The following UNC5D variants were observed in gnomAD, a reference collection of about 807,000 sequenced individuals.
The protein encoded by UNC5D is netrin receptor UNC5D.
UNC5D carries 39 observed loss-of-function variants against 105.4 expected under a neutral mutation model. That is an observed-to-expected ratio of 0.37 (90% CI 0.29 to 0.48). The LOEUF (loss-of-function observed/expected upper bound fraction) is 0.48, where lower values mean the gene tolerates loss of function less well. Among genes scored for constraint, UNC5D ranks in the 20% least tolerant of loss-of-function variants. UNC5D has a pLI of 0.98. For synonymous variants in UNC5D, 452 were observed against 450.4 expected (o/e 1.00, Z -0.04); for missense variants, 991 against 1,202.4 (o/e 0.82, Z 2.60).
intron 1 of UNC5D, among the ~76,000 whole-genome samples, chr8:35,507,043 G>GCTTTT (rs1563482696): frequency 7.0e-6 from 1 of 142,970 alleles, no homozygotes; most frequent in Non-Finnish European, 1.5e-5. Flanking sequence ...CTCCATCAGG[G>GCTTTT]CTTTTCTTTT....
intron 1 of UNC5D, among the ~76,000 whole-genome samples, chr8:35,523,302 C>T (rs1232568106): frequency 6.6e-6 from 1 of 151,960 alleles, no homozygotes; most frequent in Non-Finnish European, 1.5e-5. Context: ...AGGCTGGTCT[C>T]GAATTCCTGG....
intron 1 of UNC5D, among the ~76,000 whole-genome samples, chr8:35,472,998 G>C (rs1315686100): frequency 6.6e-6 from 1 of 152,216 alleles, no homozygotes; most frequent in Non-Finnish European, 1.5e-5. Context: ...TGGGCTGTCT[G>C]AGCAGTAAAC....
chr8:35,429,666 C>T (rs1013970191), intron 1 of UNC5D, among the ~76,000 whole-genome samples: 3 of 152,052 alleles, frequency 2.0e-5, no homozygotes, highest in Non-Finnish European at 4.4e-5. Flanking sequence ...GCAATTTGTG[C>T]ATGATAAACT....
chr8:35,697,837 T>C (rs16884240), intron 7 of UNC5D, among the ~76,000 whole-genome samples: 7,974 of 152,158 alleles, frequency 0.052, 418 homozygotes, highest in African/African-American at 0.11. Context: ...AGCTGAAAAA[T>C]AATTTGGAAG....
At chr8:35,610,304 A>C (rs138719531) in intron 4 of UNC5D, among the ~76,000 whole-genome samples, 7 of 152,210 alleles carry the variant, frequency 4.6e-5, no homozygotes, top group African/African-American at 1.4e-4. Context: ...GCCTTCTTGA[A>C]GGTTGGGAGC....
chr8:35,456,257 G>C (rs1340517574), intron 1 of UNC5D, among the ~76,000 whole-genome samples: 2 of 152,056 alleles, frequency 1.3e-5, no homozygotes, highest in Non-Finnish European at 2.9e-5. Context: ...TTGGCTAGTG[G>C]TTGTCAAATT....
chr8:35,310,489 G>A (rs1038652282), intron 1 of UNC5D, among the ~76,000 whole-genome samples: 3 of 152,026 alleles, frequency 2.0e-5, no homozygotes, highest in Non-Finnish European at 2.9e-5. Context: ...GTGTGGTAAC[G>A]CATCCCTGTA....
At chr8:35,704,581 C>G (rs1236834863) in intron 7 of UNC5D, among the ~76,000 whole-genome samples, 1 of 152,182 alleles carries the variant, frequency 6.6e-6, no homozygotes, top group African/African-American at 2.4e-5. Context: ...TTGTGTGAGT[C>G]TGTGAATGAT....
intron 1 of UNC5D, among the ~76,000 whole-genome samples, chr8:35,390,699 T>C (rs1803716116): frequency 6.6e-6 from 1 of 152,228 alleles, no homozygotes; most frequent in Admixed American, 6.5e-5. Flanking sequence ...AATTTACCAA[T>C]GCATATATTT....
At chr8:35,432,509 A>G (rs1483485077) in intron 1 of UNC5D, among the ~76,000 whole-genome samples, 2 of 152,088 alleles carry the variant, frequency 1.3e-5, no homozygotes, top group African/African-American at 4.8e-5. Flanking sequence ...AACTTTATCC[A>G]CTTCACTCTT....
At chr8:35,515,704 AT>A (rs1813055385) in intron 1 of UNC5D, among the ~76,000 whole-genome samples, 2 of 152,152 alleles carry the variant, frequency 1.3e-5, no homozygotes, top group Admixed American at 1.3e-4. Context: ...ACAAAAACAG[AT>A]TTTAAAAGTC....
At chr8:35,729,426 ATTGAT>A (rs1829070717) in intron 10 of UNC5D, among the ~76,000 whole-genome samples, 1 of 152,142 alleles carries the variant, frequency 6.6e-6, no homozygotes, top group African/African-American at 2.4e-5. Flanking sequence ...GATAAGTGTA[ATTGAT>A]TTAATATTAT....
chr8:35,674,012 G>T (rs1825024465), intron 4 of UNC5D, among the ~76,000 whole-genome samples: 2 of 152,160 alleles, frequency 1.3e-5, no homozygotes, highest in South Asian at 2.1e-4. Flanking sequence ...CTGAGCTTGA[G>T]TAAGTTTTTG....
intron 4 of UNC5D, among the ~76,000 whole-genome samples, chr8:35,661,513 C>T (rs1265999577): frequency 6.6e-6 from 1 of 152,176 alleles, no homozygotes; most frequent in African/African-American, 2.4e-5. Context: ...ACACTGATAT[C>T]TGCAATGATT....
At chr8:35,774,514 AGAGAACTTG>A (rs1282325694) in intron 16 of UNC5D, 37 bp downstream of exon 16, 1 of 1,609,002 alleles carries the variant, frequency 6.2e-7, no homozygotes, top group Admixed American at 1.7e-5. Context: ...GATGTTACTA[AGAGAACTTG>A]GAAACATAAA....
At chr8:35,467,669 G>T (rs1441916028) in intron 1 of UNC5D, among the ~76,000 whole-genome samples, 1 of 151,826 alleles carries the variant, frequency 6.6e-6, no homozygotes, top group Non-Finnish European at 1.5e-5. Context: ...GATAGTGAAG[G>T]GAGAAGATGT....
rs77795696 is a variant in UNC5D, at chr8:35,608,518, A to G, written c.570+12861A>G. ...TGAAGACAGGGCTTTCAGTGTATCCATCACCCAAATGACAAGTAATTTCTC... is the reference window on the plus strand; with the variant it reads ...TGAAGACAGGGCTTTCAGTGTATCCGTCACCCAAATGACAAGTAATTTCTC... On this transcript the variant is annotated intron_variant, in intron 4 of 16. Transcript: ENST00000404895. 6.7e-3 allele frequency among the ~76,000 whole-genome samples: 1,022 copies of G among 152,276 alleles called. 8 individuals are homozygous for G. The highest frequency in any genetic ancestry group is 0.012 in the Non-Finnish European group (805 of 68,012).
chr8:35,582,261 C>G (rs1412008559), intron 3 of UNC5D, among the ~76,000 whole-genome samples: 1 of 152,284 alleles, frequency 6.6e-6, no homozygotes, highest in South Asian at 2.1e-4. Context: ...CCCATGATAG[C>G]TCCTATTTCA....
At chr8:35,356,251 G>A (rs929336747) in intron 1 of UNC5D, among the ~76,000 whole-genome samples, 3 of 152,072 alleles carry the variant, frequency 2.0e-5, no homozygotes, top group African/African-American at 4.8e-5. Context: ...TATTAGCTAC[G>A]TAATGAATTG....
Sources: gnomAD v4.1 joint callset for allele counts (sites outside exome capture counted in the v4.1 genomes callset) on GRCh38, gnomAD v4.1.1 for gene constraint, MANE v1.5 for transcripts, NCBI Gene and HGNC (gene_info 2026-07-23, HGNC 2026-07-21) for gene names.